Variants in FBXO34 observed in about 807,000 individuals in gnomAD.
The protein encoded by FBXO34 is F-box protein 34.
FBXO34 carries 12 observed loss-of-function variants against 24.5 expected under a neutral mutation model. The ratio of observed to expected loss-of-function variants is 0.49; its 90% CI spans 0.31 to 0.79. The LOEUF is 0.79. FBXO34 is among the 30% of genes least tolerant of loss of function. The pLI, the probability that FBXO34 is intolerant of heterozygous loss-of-function variation, is 0.04. For missense variants in FBXO34, 823 were observed against 857.7 expected (o/e 0.96, Z 0.51); for synonymous variants, 320 against 311.9 (o/e 1.03, Z -0.27).
At chr14:55,409,828 G>A in the FBXO34 span, among the ~76,000 whole-genome samples, 1 of 152,196 alleles carries the variant, frequency 6.6e-6, no homozygotes, top group Non-Finnish European at 1.5e-5. Flanking sequence ...GAACAGAAAT[G>A]GAGGAGTAGC....
At chr14:55,290,979 C>A (rs779049432) in intron 1 of FBXO34, among the ~76,000 whole-genome samples, 1 of 152,054 alleles carries the variant, frequency 6.6e-6, no homozygotes, top group Non-Finnish European at 1.5e-5. Context: ...GCCACCATGC[C>A]CACCTAGTTT....
downstream of FBXO34, among the ~76,000 whole-genome samples, chr14:55,362,365 T>A (rs985446629): frequency 6.6e-6 from 1 of 152,180 alleles, no homozygotes; most frequent in Admixed American, 6.6e-5. Flanking sequence ...ATGAAGAGAT[T>A]TGAAATATTG....
At chr14:55,412,329 G>T in the FBXO34 span, among the ~76,000 whole-genome samples, 53 of 152,180 alleles carry the variant, frequency 3.5e-4, no homozygotes, top group African/African-American at 1.2e-3. Context: ...CTGTTCTCTC[G>T]TGTTAAATGG....
At chr14:55,405,551 A>G in the FBXO34 span, among the ~76,000 whole-genome samples, 1 of 152,232 alleles carries the variant, frequency 6.6e-6, no homozygotes, top group Non-Finnish European at 1.5e-5. Context: ...ACATTTCCCC[A>G]GGTATCCTTA....
Position 55,352,449 on chromosome 14 carries a change from T to C in FBXO34, c.2059T>C (p.Trp687Arg). 6.2e-7 allele frequency: 1 copy of C among 1,614,140 alleles called. No individual in the cohort carries two copies. Among genetic ancestry groups the C allele is most frequent in the Non-Finnish European group, 8.5e-7 (1 of 1,180,008 alleles). Reference sequence around the variant, plus strand: ...TAAGCTGGGGCTTCATGACAATCACTGGGTTCCTGCCTGCCACAGCTTTAA... The same window carrying C: ...TAAGCTGGGGCTTCATGACAATCACCGGGTTCCTGCCTGCCACAGCTTTAA... ...GCKLGLHDNHWVPACHSFNRA... is the reference protein window; with the variant it reads ...GCKLGLHDNHRVPACHSFNRA... The change falls in exon 2 of 2, where the codon TGG (tryptophan) becomes CGG (arginine). Residue 687 changes from tryptophan (W) to arginine (R), a missense_variant. By Grantham distance (101) the Trp-to-Arg change is moderately radical (BLOSUM62 -3). Coordinates refer to ENST00000313833, the MANE Select transcript of FBXO34 (RefSeq NM_017943.4).
At chr14:55,366,043 A>C (rs1276410579), downstream of FBXO34, among the ~76,000 whole-genome samples, 1 of 152,120 alleles carries the variant, frequency 6.6e-6, no homozygotes, top group African/African-American at 2.4e-5. Flanking sequence ...TCCTGAAGAA[A>C]GTCTGGGCAG....
At chr14:55,370,550 C>T (rs1401954268), downstream of FBXO34, among the ~76,000 whole-genome samples, 2 of 151,972 alleles carry the variant, frequency 1.3e-5, no homozygotes, top group African/African-American at 4.8e-5. Flanking sequence ...ACCCTCACTG[C>T]CAAGTCCAAT....
the FBXO34 span, among the ~76,000 whole-genome samples, chr14:55,404,606 G>C: frequency 1.3e-5 from 2 of 152,178 alleles, no homozygotes; most frequent in East Asian, 3.8e-4. Flanking sequence ...AAAATATCTA[G>C]AGGGAGAGAA....
chr14:55,337,057 C>T (rs1169253601), intron 1 of FBXO34, among the ~76,000 whole-genome samples: 1 of 151,350 alleles, frequency 6.6e-6, no homozygotes, highest in Non-Finnish European at 1.5e-5. Flanking sequence ...CTCACTGCAA[C>T]CTCCACCTCC....
At chr14:55,298,789 A>G in intron 1 of FBXO34, 2 of 1,607,122 alleles carry the variant, frequency 1.2e-6, no homozygotes, top group South Asian at 2.2e-5. Context: ...GGCACCAAAA[A>G]CAAGCCCGCG....
chr14:55,411,332 TTA>T, the FBXO34 span, among the ~76,000 whole-genome samples: 1 of 152,352 alleles, frequency 6.6e-6, no homozygotes, highest in Non-Finnish European at 1.5e-5. Flanking sequence ...GAGTCACCAC[TTA>T]TTCCTTTTTT....
downstream of FBXO34, chr14:55,366,673 C>G (rs1276020178): frequency 6.6e-6 from 1 of 152,406 alleles, no homozygotes; most frequent in African/African-American, 2.4e-5. Flanking sequence ...ATGTCTTTAA[C>G]AGACCATTTT....
the FBXO34 span, among the ~76,000 whole-genome samples, chr14:55,387,227 T>C: frequency 9.2e-5 from 14 of 152,142 alleles, no homozygotes; most frequent in African/African-American, 3.1e-4. Context: ...CTCCTCCAAA[T>C]TGGTACATAT....
chr14:55,278,999 A>T (rs944212044), intron 1 of FBXO34, among the ~76,000 whole-genome samples: 1 of 151,968 alleles, frequency 6.6e-6, no homozygotes, highest in Non-Finnish European at 1.5e-5. Context: ...TTTCTTTATT[A>T]AAGAGATTTA....
chr14:55,298,703 C>G (rs1345775299), intron 1 of FBXO34: 7 of 1,568,820 alleles, frequency 4.5e-6, no homozygotes, highest in Non-Finnish European at 6.1e-6. Context: ...AGGAGGCCAT[C>G]CAGCGGCTGC....
chr14:55,382,099 GA>G, the FBXO34 span: 2 of 1,614,082 alleles, frequency 1.2e-6, no homozygotes, highest in Non-Finnish European at 1.7e-6. Context: ...CCATCGTCCT[GA>G]GAGGTAAGTT....
intron 1 of FBXO34, among the ~76,000 whole-genome samples, chr14:55,336,516 C>T (rs374468597): frequency 6.6e-6 from 1 of 152,170 alleles, no homozygotes; most frequent in African/African-American, 2.4e-5. Context: ...GCTCATTCAT[C>T]CAGTGTTTTC....
At chr14:55,369,486 A>AAAGAC, downstream of FBXO34, 1 of 918,914 alleles carries the variant, frequency 1.1e-6, no homozygotes, top group Admixed American at 2.9e-5. Flanking sequence ...CCCTGCTTAA[A>AAAGAC]AAGACAAAAC....
At chr14:55,393,799 T>G in the FBXO34 span, among the ~76,000 whole-genome samples, 11 of 152,074 alleles carry the variant, frequency 7.2e-5, no homozygotes, top group African/African-American at 2.7e-4. Context: ...GCAATCCACC[T>G]CGGACTCCCA....
Sources: gnomAD v4.1 joint callset for allele counts (sites outside exome capture counted in the v4.1 genomes callset) on GRCh38, gnomAD v4.1.1 for gene constraint, MANE v1.5 for transcripts, NCBI Gene and HGNC (gene_info 2026-07-23, HGNC 2026-07-21) for gene names.